Variants in EBF1 observed in about 807,000 individuals in gnomAD.
The protein encoded by EBF1 is transcription factor COE1.
EBF1 carries 10 observed loss-of-function variants against 68.4 expected under a neutral mutation model. The ratio of observed to expected loss-of-function variants is 0.15; its 90% CI spans 0.09 to 0.25. The LOEUF is 0.25. EBF1 is among the 10% of genes least tolerant of loss of function. EBF1 has a pLI of 1.00. For missense variants in EBF1, 509 were observed against 794.4 expected, an observed-to-expected ratio of 0.64 and a Z score of 4.32; for synonymous variants, 298 against 299.8, an observed-to-expected ratio of 0.99 and a Z score of 0.06.
chr5:158,767,017 T>G (rs995695969), intron 10 of EBF1, among the ~76,000 whole-genome samples: 3 of 152,176 alleles, frequency 2.0e-5, no homozygotes, highest in African/African-American at 7.2e-5. Context: ...CAGTTCCTAC[T>G]TTTATTGTTA....
At chr5:159,061,770 G>A (rs1242499867) in intron 6 of EBF1, among the ~76,000 whole-genome samples, 4 of 151,544 alleles carry the variant, frequency 2.6e-5, no homozygotes, top group African/African-American at 7.3e-5. Flanking sequence ...TAAAATAGCC[G>A]CGGAGGAATC....
chr5:159,042,722 T>C (rs1771468383), intron 6 of EBF1, among the ~76,000 whole-genome samples: 3 of 152,156 alleles, frequency 2.0e-5, no homozygotes, highest in Admixed American at 1.3e-4. Context: ...AAGACAAGTG[T>C]ACCATAGCCC....
Position 159,094,165 on chromosome 5 carries a change from C to CAAAAAAAAA in EBF1, c.411+1446_411+1454dup, listed in dbSNP as rs869228922. On this transcript the variant is annotated intron_variant, in intron 4 of 15. Transcript: ENST00000313708. Reference sequence around the variant, plus strand: ...GCTTTTGTGTTTCTGCCTTGGAAGGCAAAAAAAAAAAAAAAAAAAAAAAAA... The same window carrying CAAAAAAAAA: ...GCTTTTGTGTTTCTGCCTTGGAAGGCAAAAAAAAAAAAAAAAAAAAAAAAAAAAAAAAAA... 8.7e-4 allele frequency among the ~76,000 whole-genome samples: 19 copies of CAAAAAAAAA among 21,880 alleles called. 2 individuals are homozygous for CAAAAAAAAA. Among genetic ancestry groups the CAAAAAAAAA allele is most frequent in the African/African-American group, 1.2e-3 (9 of 7,220 alleles). The allele number at this position is 21,880 out of a possible 152,430, so 14.4% of individuals were successfully genotyped here.
chr5:158,800,798 G>A (rs147156600), intron 8 of EBF1, among the ~76,000 whole-genome samples: 1 of 152,284 alleles, frequency 6.6e-6, no homozygotes, highest in East Asian at 1.9e-4. Flanking sequence ...GAATTTGACT[G>A]TGAAAAGATT....
intron 6 of EBF1, among the ~76,000 whole-genome samples, chr5:158,990,758 T>C (rs985554386): frequency 1.3e-5 from 2 of 152,230 alleles, no homozygotes; most frequent in Non-Finnish European, 2.9e-5. Flanking sequence ...CACTTTTTTA[T>C]AAGAACTAAA....
chr5:158,770,342 T>TCC (rs1468367868), intron 10 of EBF1, among the ~76,000 whole-genome samples: 1 of 152,108 alleles, frequency 6.6e-6, no homozygotes, highest in East Asian at 1.9e-4. Context: ...CAAATCTCTT[T>TCC]CCCAGACTAC....
At chr5:158,952,318 G>T (rs1252211189) in intron 6 of EBF1, among the ~76,000 whole-genome samples, 2 of 152,162 alleles carry the variant, frequency 1.3e-5, no homozygotes, top group Non-Finnish European at 2.9e-5. Flanking sequence ...CCTGTCAATT[G>T]TTAAGTCTAG....
chr5:159,010,629 T>C (rs1764467318), intron 6 of EBF1, among the ~76,000 whole-genome samples: 1 of 152,256 alleles, frequency 6.6e-6, no homozygotes, highest in Non-Finnish European at 1.5e-5. Context: ...TCTCCACAAC[T>C]CTTTTAGAGA....
At chr5:159,017,822 T>C (rs1324114611) in intron 6 of EBF1, among the ~76,000 whole-genome samples, 1 of 152,196 alleles carries the variant, frequency 6.6e-6, no homozygotes, top group East Asian at 1.9e-4. Context: ...GACATAAGAC[T>C]GAGAAGGCTA....
chr5:158,839,919 T>G, intron 7 of EBF1, 110 bp downstream of exon 7: 1 of 1,013,362 alleles, frequency 9.9e-7, no homozygotes, highest in Middle Eastern at 2.1e-4. Context: ...GGGCCTCAGC[T>G]GCTCTTCACC....
At chr5:158,841,151 T>C (rs1199484706) in intron 6 of EBF1, among the ~76,000 whole-genome samples, 1 of 152,202 alleles carries the variant, frequency 6.6e-6, no homozygotes, top group Non-Finnish European at 1.5e-5. Flanking sequence ...ATACCAGCTG[T>C]ACTGGTGTAT....
chr5:158,974,337 G>A (rs1257427674), intron 6 of EBF1, among the ~76,000 whole-genome samples: 3 of 152,226 alleles, frequency 2.0e-5, no homozygotes, highest in Admixed American at 2.0e-4. Flanking sequence ...AAGGAAGGTA[G>A]CCAGTGTTTC....
intron 8 of EBF1, among the ~76,000 whole-genome samples, chr5:158,811,128 G>A (rs1430176733): frequency 6.6e-6 from 1 of 152,102 alleles, no homozygotes; most frequent in Non-Finnish European, 1.5e-5. Context: ...ATTTCAAGTT[G>A]CAGGGCTGGC....
chr5:158,835,511 G>A (rs1788557471), intron 7 of EBF1, among the ~76,000 whole-genome samples: 1 of 152,158 alleles, frequency 6.6e-6, no homozygotes, highest in African/African-American at 2.4e-5. Flanking sequence ...TGTTCTTCAT[G>A]CAGATGGCAC....
chr5:159,054,400 T>A (rs2127833740), intron 6 of EBF1, among the ~76,000 whole-genome samples: 1 of 152,320 alleles, frequency 6.6e-6, no homozygotes, highest in East Asian at 1.9e-4. Flanking sequence ...GTTGGATAAT[T>A]TAAAATTTAA....
intron 8 of EBF1, among the ~76,000 whole-genome samples, chr5:158,812,203 A>G (rs116337921): frequency 0.012 from 1,799 of 152,314 alleles, 30 homozygotes; most frequent in African/African-American, 0.04. Flanking sequence ...AAATAGATGA[A>G]TGATTGAATG....
At chr5:158,719,747 C>T (rs1761535466) in intron 11 of EBF1, among the ~76,000 whole-genome samples, 1 of 152,156 alleles carries the variant, frequency 6.6e-6, no homozygotes, top group African/African-American at 2.4e-5. Context: ...GATAGATACC[C>T]ATACACGAAC....
At position 159,073,483 on chromosome 5, in the gene EBF1, A is replaced by G. The variant is rs747138426; in HGVS notation, c.486-19T>C. 2.2e-5 allele frequency: 35 copies of G among 1,613,880 alleles called. No individual in the cohort carries two copies. Among genetic ancestry groups the G allele is most frequent in the African/African-American group, 2.1e-4 (16 of 75,052 alleles). ...ACAGCGGCTATGGAGCAAAAGCGAA[A>G]GGATTTAGTACAACCATTACAATGT... On this transcript the variant is annotated intron_variant, in intron 5 of 15. Coordinates refer to ENST00000313708, the MANE Select transcript of EBF1 (RefSeq NM_024007.5).
intron 8 of EBF1, among the ~76,000 whole-genome samples, chr5:158,797,686 C>T (rs548584930): frequency 1.3e-5 from 2 of 152,248 alleles, no homozygotes; most frequent in East Asian, 3.9e-4. Flanking sequence ...GCTCACGTGC[C>T]ACCACACAAA....
Sources: gnomAD v4.1 joint callset for allele counts (sites outside exome capture counted in the v4.1 genomes callset) on GRCh38, gnomAD v4.1.1 for gene constraint, MANE v1.5 for transcripts, NCBI Gene and HGNC (gene_info 2026-07-23, HGNC 2026-07-21) for gene names.